The following DNER variants were observed in gnomAD, a reference collection of about 807,000 sequenced individuals.
DNER encodes the protein delta/notch like EGF repeat containing, also known as delta and Notch-like epidermal growth factor-related receptor.
Under a neutral mutation model 78.2 loss-of-function variants are expected in DNER, and 33 were observed. The observed-to-expected ratio is 0.42, with a 90% CI of 0.32 to 0.56. The LOEUF (loss-of-function observed/expected upper bound fraction) is 0.56, where lower values mean the gene tolerates loss of function less well. Ranked by LOEUF, DNER falls within the 20% of genes least tolerant of loss-of-function variation. The pLI, the probability that DNER is intolerant of heterozygous loss-of-function variation, is 0.11. For missense variants in DNER, 918 were observed against 975.3 expected (o/e 0.94, Z 0.78); for synonymous variants, 417 against 384.8 (o/e 1.08, Z -0.98).
intron 4 of DNER, among the ~76,000 whole-genome samples, chr2:229,563,523 T>C (rs1249678495): frequency 7.4e-6 from 1 of 135,240 alleles, no homozygotes; most frequent in African/African-American, 2.9e-5. Flanking sequence ...CATCATCCCA[T>C]CACCATCATC....
chr2:229,628,570 A>G (rs1452558484), intron 1 of DNER, among the ~76,000 whole-genome samples: 2 of 152,186 alleles, frequency 1.3e-5, no homozygotes, highest in Non-Finnish European at 2.9e-5. Context: ...TTCAACAGAA[A>G]TAACCAGAGC....
chr2:229,593,732 A>T (rs1697652618), intron 1 of DNER, among the ~76,000 whole-genome samples: 1 of 152,340 alleles, frequency 6.6e-6, no homozygotes, highest in African/African-American at 2.4e-5. Flanking sequence ...GCCTTGTGGA[A>T]CGGGTGTCAC....
chr2:229,706,654 A>G (rs985845134), intron 1 of DNER, among the ~76,000 whole-genome samples: 5 of 152,212 alleles, frequency 3.3e-5, no homozygotes, highest in South Asian at 4.1e-4. Context: ...AGCCACAGAC[A>G]ACACTTACGC....
At chr2:229,526,770 C>T (rs552815934) in intron 5 of DNER, among the ~76,000 whole-genome samples, 11 of 152,256 alleles carry the variant, frequency 7.2e-5, no homozygotes, top group Middle Eastern at 3.4e-3. Context: ...GTCTGTGGCC[C>T]AGAATGGGGG....
chr2:229,532,919 T>C (rs940363596), intron 5 of DNER, among the ~76,000 whole-genome samples: 1 of 152,122 alleles, frequency 6.6e-6, no homozygotes, highest in Non-Finnish European at 1.5e-5. Context: ...CAGTTGCTGA[T>C]CCTGGGCTGG....
At chr2:229,620,336 G>A (rs755200760) in intron 1 of DNER, among the ~76,000 whole-genome samples, 4 of 152,206 alleles carry the variant, frequency 2.6e-5, no homozygotes, top group Non-Finnish European at 5.9e-5. Flanking sequence ...CTTTTTTCAT[G>A]TATCTTTTTG....
At chr2:229,668,608 C>T (rs1186333797) in intron 1 of DNER, among the ~76,000 whole-genome samples, 3 of 131,386 alleles carry the variant, frequency 2.3e-5, no homozygotes, top group Admixed American at 1.6e-4. Flanking sequence ...GGCCAACAAA[C>T]ATATGAAAAA....
intron 1 of DNER, among the ~76,000 whole-genome samples, chr2:229,651,635 G>T (rs1203950984): frequency 6.6e-6 from 1 of 152,198 alleles, no homozygotes; most frequent in Non-Finnish European, 1.5e-5. Context: ...AGATAACTCA[G>T]CCTGGAGCAA....
chr2:229,609,283 T>C (rs888209114), intron 1 of DNER, among the ~76,000 whole-genome samples: 8 of 152,312 alleles, frequency 5.3e-5, no homozygotes, highest in African/African-American at 1.9e-4. Context: ...GTTCCAGGCA[T>C]TTCTGTAGCC....
intron 4 of DNER, 64 bp downstream of exon 4, chr2:229,585,794 C>T (rs905637435): frequency 1.2e-5 from 19 of 1,594,370 alleles, no homozygotes; most frequent in Admixed American, 1.8e-5. Context: ...CCTACTGTCT[C>T]AACACCAAAC....
At chr2:229,620,104 G>A (rs1316900568) in intron 1 of DNER, among the ~76,000 whole-genome samples, 1 of 151,564 alleles carries the variant, frequency 6.6e-6, no homozygotes, top group African/African-American at 2.4e-5. Context: ...AGTTTGTTCA[G>A]AACCAAAGCG....
chr2:229,537,964 C>T (rs979454271), intron 5 of DNER, among the ~76,000 whole-genome samples: 5 of 151,990 alleles, frequency 3.3e-5, no homozygotes, highest in East Asian at 1.9e-4. Flanking sequence ...TGTTCTGTAA[C>T]GTAAAATGCA....
At chr2:229,528,485 T>G (rs2154212756) in intron 5 of DNER, among the ~76,000 whole-genome samples, 1 of 152,330 alleles carries the variant, frequency 6.6e-6, no homozygotes, top group Admixed American at 6.5e-5. Flanking sequence ...GATATTTCTA[T>G]CATCCCCAGG....
chr2:229,598,876 G>A (rs1414360194), intron 1 of DNER, among the ~76,000 whole-genome samples: 2 of 152,046 alleles, frequency 1.3e-5, no homozygotes, highest in Admixed American at 6.5e-5. Context: ...TTTGCATCTC[G>A]AAAGGCCTCC....
intron 1 of DNER, among the ~76,000 whole-genome samples, chr2:229,658,423 A>G (rs1184018770): frequency 6.6e-6 from 1 of 152,230 alleles, no homozygotes; most frequent in Non-Finnish European, 1.5e-5. Context: ...TTGCAAAAGC[A>G]GCATCCTTAA....
intron 11 of DNER, among the ~76,000 whole-genome samples, chr2:229,374,829 CTT>C (rs1345493925): frequency 6.6e-6 from 1 of 151,866 alleles, no homozygotes; most frequent in Non-Finnish European, 1.5e-5. Flanking sequence ...AGTTTGTACA[CTT>C]ATAAAAAGTT....
intron 1 of DNER, among the ~76,000 whole-genome samples, chr2:229,628,855 C>A (rs753155247): frequency 6.6e-6 from 1 of 152,208 alleles, no homozygotes; most frequent in Non-Finnish European, 1.5e-5. Context: ...CCTGGTCTAG[C>A]CTCTTCTTTG....
Position 229,591,706 on chromosome 2 carries a change from A to C in DNER, c.459T>G (p.Leu153=). 1 of 1,614,206 alleles carries C rather than the reference A, an allele frequency of 6.2e-7. No individual in the cohort carries two copies. Residue 153 remains leucine, a synonymous_variant, in exon 2 of 13, where the codon CTT becomes CTG. Coordinates refer to ENST00000341772, the MANE Select transcript of DNER (RefSeq NM_139072.4). This position sits in a 1 kb window ranked among gnomAD's most constrained non-coding sequence, Gnocchi z 4.6. ...GWTESMAPRQ[L]QPVPATQEPD... ...GCTCCTGAGTAGCAGGAACAGGCTGAAGCTGTCGGGGTGCCATGGATTCGG... is the reference window on the plus strand; with the variant it reads ...GCTCCTGAGTAGCAGGAACAGGCTGCAGCTGTCGGGGTGCCATGGATTCGG...
chr2:229,549,632 C>T (rs531716989), intron 4 of DNER, among the ~76,000 whole-genome samples: 2 of 152,286 alleles, frequency 1.3e-5, no homozygotes, highest in South Asian at 2.1e-4. Context: ...ATAACATAGG[C>T]CGGGCATGGT....
Sources: gnomAD v4.1 joint callset for allele counts (sites outside exome capture counted in the v4.1 genomes callset) on GRCh38, gnomAD v4.1.1 for gene constraint, Gnocchi (gnomAD v3.1) non-coding constraint, MANE v1.5 for transcripts, NCBI Gene and HGNC (gene_info 2026-07-23, HGNC 2026-07-21) for gene names.